The following THOC1 variants were observed in gnomAD, a reference collection of about 807,000 sequenced individuals.
THOC1 encodes THO complex 1.
Under a neutral mutation model 97.3 loss-of-function variants are expected in THOC1, and 29 were observed. The observed-to-expected ratio is 0.30, with a 90% CI of 0.22 to 0.41. The LOEUF is 0.41. Among genes scored for constraint, THOC1 ranks in the 10% least tolerant of loss-of-function variants. The pLI, the probability that THOC1 is intolerant of heterozygous loss-of-function variation, is 1.00. For synonymous variants in THOC1, 255 were observed against 257.0 expected, an observed-to-expected ratio of 0.99 and a Z score of 0.07; for missense variants, 529 against 761.9, an observed-to-expected ratio of 0.69 and a Z score of 3.60.
At chr18:223,367 T>C (rs1911158871) in intron 17 of THOC1, 73 bp downstream of exon 17, 3 of 1,245,166 alleles carry the variant, frequency 2.4e-6, no homozygotes, top group Non-Finnish European at 3.4e-6. Flanking sequence ...GCTCTGATCA[T>C]AGCTGAGAAA....
intron 7 of THOC1, among the ~76,000 whole-genome samples, chr18:255,082 T>C (rs1380722892): frequency 6.6e-6 from 1 of 152,190 alleles, no homozygotes; most frequent in African/African-American, 2.4e-5. Context: ...TCTGACTGCT[T>C]CACCGACCAA....
At chr18:239,753 TA>T (rs1157774014) in intron 11 of THOC1, among the ~76,000 whole-genome samples, 1 of 152,262 alleles carries the variant, frequency 6.6e-6, no homozygotes, top group East Asian at 1.9e-4. Flanking sequence ...ATAATACTGT[TA>T]TTAAACACTG....
intron 9 of THOC1, 23 bp downstream of exon 9, chr18:252,516 A>G: frequency 6.3e-7 from 1 of 1,584,560 alleles, no homozygotes; most frequent in Non-Finnish European, 8.7e-7. Flanking sequence ...GTAAATCAAA[A>G]AGCTTAGGCT....
rs1421537132 is a variant in THOC1, at chr18:226,862, G to A, written c.958C>T (p.His320Tyr). 6.2e-7 allele frequency: 1 copy of A among 1,611,616 alleles called. No homozygotes were observed. The highest frequency in any genetic ancestry group is 8.5e-7 in the Non-Finnish European group (1 of 1,178,978). ...AAAATGAGATACTGCAACAGGATGT[G>A]TCGACGAAAGTTACTGTCACTCAGT... ...LQLSDSNFRRHILLQYLILFQ... is the reference protein window; with the variant it reads ...LQLSDSNFRRYILLQYLILFQ... The change falls in exon 12 of 21, where the codon CAC (histidine) becomes TAC (tyrosine). Residue 320 changes from histidine to tyrosine, a missense_variant. This residue lies in a region of THOC1 where 25 missense variants were observed against 69.5 expected (regional missense o/e 0.36). Coordinates refer to ENST00000261600, the MANE Select transcript of THOC1 (RefSeq NM_005131.3).
chr18:216,902 AT>A (rs1325927465), intron 18 of THOC1, among the ~76,000 whole-genome samples: 1 of 152,222 alleles, frequency 6.6e-6, no homozygotes, highest in African/African-American at 2.4e-5. Flanking sequence ...GTTTCCGTTC[AT>A]TTTGTTTAAT....
intron 19 of THOC1, among the ~76,000 whole-genome samples, chr18:215,987 C>CTT (rs1346507706): frequency 6.6e-6 from 1 of 152,124 alleles, no homozygotes; most frequent in Non-Finnish European, 1.5e-5. Context: ...CGGAGTCTTG[C>CTT]TTGGTTGCCA....
At chr18:226,989 G>T in intron 11 of THOC1, 88 bp from the exon 12 acceptor site, 1 of 1,013,076 alleles carries the variant, frequency 9.9e-7, no homozygotes, top group South Asian at 1.5e-5. Flanking sequence ...ATATAGAAAT[G>T]GAAGATTCCA....
rs906169756 is a variant in THOC1, at chr18:254,661, T to C, written c.521-306A>G. Among the ~76,000 whole-genome samples, 10 of 152,192 alleles carry C rather than the reference T, an allele frequency of 6.6e-5. No homozygotes were observed. Among genetic ancestry groups the C allele is most frequent in the African/African-American group, 2.4e-4 (10 of 41,448 alleles). On this transcript the variant is annotated intron_variant, in intron 7 of 20. Coordinates refer to ENST00000261600, the MANE Select transcript of THOC1 (RefSeq NM_005131.3). The surrounding 1 kb of genome is among the most constrained non-coding windows in gnomAD (Gnocchi z 4.1). Reference sequence around the variant, plus strand: ...ATATGCTCACTTCCTCTGTCACATTTTGGTAATTCTCACAATATTTCAAAC... The same window carrying C: ...ATATGCTCACTTCCTCTGTCACATTCTGGTAATTCTCACAATATTTCAAAC...
Position 214,640 on chromosome 18 carries a change from C to A in THOC1, c.1960G>T (p.Glu654Ter), listed in dbSNP as rs1910799556. The stretch of plus-strand genomic sequence containing the variant: ...AAAAAAAGAAGCTAACTATTTGTCT[C>A]ATTGTCATTAGTTAGACTTTCTGCA... ...DLAESLTNDN[E>*]TNS The change falls in exon 21 of 21, where the codon GAG becomes TAG. Residue 654 changes from glutamate (E) to a stop codon, truncating the protein, a stop_gained. Transcript: ENST00000261600. LOFTEE classifies it high-confidence loss of function. The A allele has an allele frequency of 1.2e-6, 2 of 1,610,644 alleles. No individual in the cohort carries two copies. The highest frequency in any genetic ancestry group is 8.5e-7 in the Non-Finnish European group (1 of 1,178,200).
rs114180846 is a variant in THOC1, at chr18:224,877, G to T, written c.1208+47C>A. ...CACATTTTCAAAAGCCTTTCTCGTC[G>T]TTCTTGTGATGAGTATGTATTTACC... On this transcript the variant is annotated intron_variant, in intron 15 of 20. Transcript: ENST00000261600. The T allele has an allele frequency of 4.9e-6, 7 of 1,434,898 alleles. No homozygotes were observed. The African/African-American group carries it at 9.9e-5, about 20-fold the overall frequency. 88.9% of individuals were successfully genotyped at this position (1,434,898 alleles called of 1,614,324 possible).
At chr18:215,705 C>T (rs765229637) in intron 19 of THOC1, 1 of 519,816 alleles carries the variant, frequency 1.9e-6, no homozygotes, top group Non-Finnish European at 3.4e-6. Flanking sequence ...CTTGGGAAGA[C>T]CTCAGAGTTG....
intron 9 of THOC1, among the ~76,000 whole-genome samples, chr18:248,440 A>G (rs887483256): frequency 1.3e-5 from 2 of 152,210 alleles, no homozygotes; most frequent in African/African-American, 4.8e-5. Flanking sequence ...GGGTCTAGGC[A>G]ATCTCACCGA....
chr18:234,082 GA>G (rs1911589360), intron 11 of THOC1, among the ~76,000 whole-genome samples: 1 of 152,128 alleles, frequency 6.6e-6, no homozygotes, highest in African/African-American at 2.4e-5. Context: ...CTGCTATTCT[GA>G]ATAACATGTT....
intron 9 of THOC1, 27 bp downstream of exon 9, chr18:252,512 C>CAA: frequency 6.4e-7 from 1 of 1,571,308 alleles, no homozygotes. Flanking sequence ...CTCTGTAAAT[C>CAA]AAAAAGCTTA....
chr18:256,526 CAAAG>C (rs1912441658), intron 7 of THOC1, among the ~76,000 whole-genome samples: 1 of 152,176 alleles, frequency 6.6e-6, no homozygotes. Flanking sequence ...TACGAATGAG[CAAAG>C]AAAGTGGTTT....
At chr18:246,200 C>A (rs920919001) in intron 11 of THOC1, 124 bp downstream of exon 11, 43 of 778,018 alleles carry the variant, frequency 5.5e-5, no homozygotes, top group Non-Finnish European at 3.9e-6. Context: ...ATTAATCAAT[C>A]AGCTTTAACC....
chr18:229,184 C>T (rs1702351048), intron 11 of THOC1, among the ~76,000 whole-genome samples: 1 of 152,164 alleles, frequency 6.6e-6, no homozygotes, highest in South Asian at 2.1e-4. Flanking sequence ...GTTCCATCAA[C>T]TAACTGCCCT....
rs1328679672 is a variant in THOC1 at position 246,310 on chromosome 18, A to G, written c.918+14T>C. The G allele has an allele frequency of 2.6e-6, 4 of 1,519,066 alleles. No homozygotes were observed. Among genetic ancestry groups the G allele is most frequent in the Non-Finnish European group, 9.0e-7 (1 of 1,115,740 alleles). 94.1% of individuals were successfully genotyped at this position (1,519,066 alleles called of 1,614,324 possible). Reference sequence around the variant, plus strand: ...CATTTCTTATTATGCTTAATGAAAAAGAAAAACTTATACCTTTTCACTTGT... The same window carrying G: ...CATTTCTTATTATGCTTAATGAAAAGGAAAAACTTATACCTTTTCACTTGT... On this transcript the variant is annotated intron_variant, in intron 11 of 20. Coordinates refer to ENST00000261600, the MANE Select transcript of THOC1 (RefSeq NM_005131.3).
At chr18:232,223 G>A (rs1389092580) in intron 11 of THOC1, among the ~76,000 whole-genome samples, 2 of 152,142 alleles carry the variant, frequency 1.3e-5, no homozygotes, top group Non-Finnish European at 2.9e-5. Flanking sequence ...AGCCTCCCCT[G>A]TAGCTGGGAC....
Sources: allele counts gnomAD v4.1 joint callset (sites outside exome capture counted in the v4.1 genomes callset), GRCh38; gene constraint gnomAD v4.1.1; regional missense constraint gnomAD v4.1.1; non-coding constraint Gnocchi (gnomAD v3.1); transcripts MANE v1.5; gene names NCBI Gene and HGNC (gene_info 2026-07-23, HGNC 2026-07-21).